Variants in GRM8 observed in about 807,000 individuals in gnomAD.
The protein encoded by GRM8 is metabotropic glutamate receptor 8.
GRM8 carries 47 observed loss-of-function variants against 87.2 expected under a neutral mutation model. The ratio of observed to expected loss-of-function variants is 0.54; its 90% CI spans 0.43 to 0.69. The LOEUF (loss-of-function observed/expected upper bound fraction) is 0.69, where lower values mean the gene tolerates loss of function less well. Among genes scored for constraint, GRM8 ranks in the 30% least tolerant of loss-of-function variants. The probability of loss-of-function intolerance (pLI) is 0.00; values close to 1 mark genes in which losing one functional copy is unlikely to be tolerated. For missense variants in GRM8, 1,019 were observed against 1,139.2 expected, an observed-to-expected ratio of 0.89 and a Z score of 1.52; for synonymous variants, 396 against 404.5, an observed-to-expected ratio of 0.98 and a Z score of 0.25.
At chr7:126,508,626 GAAA>G (rs531315978) in intron 9 of GRM8, among the ~76,000 whole-genome samples, 252 of 152,128 alleles carry the variant, frequency 1.7e-3, no homozygotes, top group African/African-American at 5.8e-3. Flanking sequence ...AATATTTAGA[GAAA>G]AGCTTATTTC....
At chr7:126,504,849 C>G (rs1810201280) in intron 9 of GRM8, among the ~76,000 whole-genome samples, 1 of 152,024 alleles carries the variant, frequency 6.6e-6, no homozygotes, top group African/African-American at 2.4e-5. Flanking sequence ...AATTTTACAA[C>G]AGTGCTCTGG....
chr7:126,803,273 G>A (rs1461303731), intron 6 of GRM8, among the ~76,000 whole-genome samples: 1 of 152,114 alleles, frequency 6.6e-6, no homozygotes, highest in African/African-American at 2.4e-5. Flanking sequence ...GGCAATATTG[G>A]TTTATTGAGT....
At chr7:126,548,317 T>C (rs1208338004) in intron 8 of GRM8, among the ~76,000 whole-genome samples, 4 of 143,544 alleles carry the variant, frequency 2.8e-5, no homozygotes, top group African/African-American at 1.0e-4. Flanking sequence ...AGTATAATAA[T>C]AAAAAAAAAA....
At chr7:126,906,674 C>T (rs926627743) in intron 3 of GRM8, among the ~76,000 whole-genome samples, 4 of 152,132 alleles carry the variant, frequency 2.6e-5, no homozygotes, top group East Asian at 1.9e-4. Context: ...GTGCTGTGAT[C>T]GGACCTAATA....
intron 7 of GRM8, among the ~76,000 whole-genome samples, chr7:126,647,073 C>T (rs560659788): frequency 3.9e-5 from 6 of 152,196 alleles, no homozygotes; most frequent in Non-Finnish European, 7.4e-5. Flanking sequence ...GGAAGGTCTG[C>T]AAACTTCACA....
intron 8 of GRM8, among the ~76,000 whole-genome samples, chr7:126,536,232 T>G (rs539893112): frequency 6.6e-6 from 1 of 152,320 alleles, no homozygotes; most frequent in Non-Finnish European, 1.5e-5. Flanking sequence ...TCATCATTCT[T>G]ATGGTGGCTT....
chr7:126,941,611 C>T (rs1806948125), intron 3 of GRM8, among the ~76,000 whole-genome samples: 1 of 149,330 alleles, frequency 6.7e-6, no homozygotes, highest in Admixed American at 6.6e-5. Flanking sequence ...CAGAGCAAGA[C>T]TCTGTCTCAA....
chr7:126,440,410 C>CAA (rs35828454), intron 10 of GRM8, among the ~76,000 whole-genome samples: 2,407 of 74,100 alleles, frequency 0.032, 86 homozygotes, highest in Middle Eastern at 0.049. Context: ...GACTCCATCT[C>CAA]AAAAAAAAAA....
chr7:126,745,921 T>C (rs1340286474), intron 7 of GRM8, among the ~76,000 whole-genome samples: 1 of 151,816 alleles, frequency 6.6e-6, no homozygotes, highest in East Asian at 1.9e-4. Context: ...CTCAGATATA[T>C]AATAAATTTA....
At chr7:127,163,831 A>G (rs1793274073) in intron 2 of GRM8, among the ~76,000 whole-genome samples, 1 of 152,158 alleles carries the variant, frequency 6.6e-6, no homozygotes, top group African/African-American at 2.4e-5. Flanking sequence ...AAATTTTTTA[A>G]TGATAAAAAA....
At chr7:127,111,314 CA>C (rs986713131) in intron 2 of GRM8, 35 of 152,142 alleles carry the variant, frequency 2.3e-4, no homozygotes, top group African/African-American at 8.2e-4. Flanking sequence ...AATTATATTT[CA>C]AAAGAAATTC....
chr7:126,604,256 C>A (rs1798125916), intron 8 of GRM8, among the ~76,000 whole-genome samples: 1 of 151,890 alleles, frequency 6.6e-6, no homozygotes, highest in African/African-American at 2.4e-5. Context: ...TTAGTTTTTC[C>A]CAAAGCATTT....
At chr7:126,856,609 C>T (rs1797705566) in intron 6 of GRM8, among the ~76,000 whole-genome samples, 1 of 152,116 alleles carries the variant, frequency 6.6e-6, no homozygotes, top group African/African-American at 2.4e-5. Flanking sequence ...TATCTAGTCC[C>T]ATGATGTAGA....
chr7:126,489,355 T>G (rs1451333262), intron 9 of GRM8, among the ~76,000 whole-genome samples: 2 of 152,074 alleles, frequency 1.3e-5, no homozygotes, highest in African/African-American at 4.8e-5. Context: ...GCATGACAAT[T>G]AAAAGAACTA....
chr7:126,555,528 T>TGCACCG (rs1793045463), intron 8 of GRM8, among the ~76,000 whole-genome samples: 1 of 152,214 alleles, frequency 6.6e-6, no homozygotes, highest in African/African-American at 2.4e-5. Context: ...CACAAATACC[T>TGCACCG]GCATTTACTA....
intron 6 of GRM8, among the ~76,000 whole-genome samples, chr7:126,850,232 T>C (rs1586187536): frequency 6.6e-6 from 1 of 152,212 alleles, no homozygotes; most frequent in South Asian, 2.1e-4. Context: ...CATTTTCATC[T>C]ACACTTGGCT....
intron 3 of GRM8, among the ~76,000 whole-genome samples, chr7:127,104,875 TTAAC>T (rs1825668014): frequency 6.6e-6 from 1 of 152,246 alleles, no homozygotes; most frequent in Non-Finnish European, 1.5e-5. Flanking sequence ...GTGGTTTCAC[TTAAC>T]TTTTAGAACA....
In GRM8 at chr7:127,137,706, G is replaced by T. The variant is rs1367190040; in HGVS notation, c.511-30994C>A. On this transcript the variant is annotated intron_variant, in intron 2 of 10. Transcript: ENST00000339582. ...TGGGTCCCTTTCCAAAATTTAATTT[G>T]CTTTGCTATTAAAAAAAAATAAAAA... 2.0e-5 allele frequency among the ~76,000 whole-genome samples: 3 copies of T among 151,546 alleles called. No homozygotes were observed. In the East Asian group the frequency reaches 5.8e-4, roughly 29 times the overall value.
rs567708625 is a variant in GRM8 at position 126,524,969 on chromosome 7, A to ATT, written c.2430+7981_2430+7982dup. Among the ~76,000 whole-genome samples the ATT allele has an allele frequency of 2.4e-3, 362 of 149,392 alleles. 2 individuals are homozygous for ATT. The highest frequency in any genetic ancestry group is 8.5e-3 in the African/African-American group (345 of 40,816). ...TTATATTTCCTGAATTACCTGTGGG[A>ATT]TTTTTTTTTTGAGTCAGTTAATGCT... is the stretch of plus-strand genomic sequence containing the variant. On this transcript the variant is annotated intron_variant, in intron 9 of 10. Coordinates refer to ENST00000339582, the MANE Select transcript of GRM8 (RefSeq NM_000845.3).
Sources: gnomAD v4.1 joint callset for allele counts (sites outside exome capture counted in the v4.1 genomes callset) on GRCh38, gnomAD v4.1.1 for gene constraint, MANE v1.5 for transcripts, NCBI Gene and HGNC (gene_info 2026-07-23, HGNC 2026-07-21) for gene names.